The following AFF3 variants were observed in gnomAD, a reference collection of about 807,000 sequenced individuals.
The protein encoded by AFF3 is ALF transcription elongation factor 3.
A neutral mutation model predicts 129.7 loss-of-function variants in AFF3; 32 were observed. The observed-to-expected ratio is 0.25, with a 90% CI of 0.19 to 0.33. AFF3 has a LOEUF of 0.33. AFF3 is among the 10% of genes least tolerant of loss of function. AFF3 has a pLI of 1.00. For synonymous variants in AFF3, 644 were observed against 635.4 expected, an observed-to-expected ratio of 1.01 and a Z score of -0.20; for missense variants, 1,373 against 1,592.0, an observed-to-expected ratio of 0.86 and a Z score of 2.34.
intron 24 of AFF3, among the ~76,000 whole-genome samples, chr2:99,551,926 C>T (rs1267508372): frequency 6.6e-6 from 1 of 152,306 alleles, no homozygotes; most frequent in Middle Eastern, 3.4e-3. Context: ...GTGGCTCTGT[C>T]GTCCCTCACC....
In AFF3 at chr2:99,721,727, G is replaced by T. The variant is rs574397482; in HGVS notation, c.1091+5350C>A. ...CTTAAAGATTTTCTTTTTCTGTTTA[G>T]TTTCCCATAATGTTCCACGGTGTAG... On this transcript the variant is annotated intron_variant, in intron 11 of 24. Coordinates refer to ENST00000672756, the MANE Select transcript of AFF3 (RefSeq NM_001386135.1). Among the ~76,000 whole-genome samples the T allele has an allele frequency of 1.4e-3, 217 of 152,228 alleles. 1 individual carries two copies. Among genetic ancestry groups the T allele is most frequent in the African/African-American group, 5.0e-3 (206 of 41,546 alleles).
intron 11 of AFF3, among the ~76,000 whole-genome samples, chr2:99,680,964 C>T (rs540426852): frequency 6.6e-6 from 1 of 152,338 alleles, no homozygotes; most frequent in South Asian, 2.1e-4. Flanking sequence ...TGCACATTGG[C>T]ATCACTTGGG....
At chr2:99,655,213 TACACACACACACACACACACACACAC>T (rs59646108) in intron 12 of AFF3, among the ~76,000 whole-genome samples, 23 of 130,268 alleles carry the variant, frequency 1.8e-4, no homozygotes, top group Non-Finnish European at 3.1e-4. Context: ...CATGAAAAGC[TACACACACACACACACACACACACAC>T]ACACACACAC....
chr2:99,683,282 G>A (rs770827534), intron 11 of AFF3, among the ~76,000 whole-genome samples: 12 of 152,090 alleles, frequency 7.9e-5, no homozygotes, highest in Non-Finnish European at 1.6e-4. Flanking sequence ...ATGGAAAAAC[G>A]AGAGTGTTTA....
chr2:99,775,572 G>A lies in AFF3; in HGVS notation c.922-23271C>T, dbSNP rs118171937. On this transcript the variant is annotated intron_variant, in intron 8 of 24. Transcript: ENST00000672756. ...GCCTGTCAGAGGGCAGGAGGAGGTA[G>A]GAGGAGGGAAAAATCAGGGTGATGG... Among the ~76,000 whole-genome samples the A allele has an allele frequency of 3.8e-3, 581 of 152,216 alleles. 18 individuals carry two copies. The East Asian group carries it at 0.087, about 23-fold the overall frequency.
chr2:100,034,507 G>C (rs779385495), intron 4 of AFF3, among the ~76,000 whole-genome samples: 6 of 151,310 alleles, frequency 4.0e-5, no homozygotes, highest in African/African-American at 1.5e-4. Flanking sequence ...CCAACACAAT[G>C]GAAGTCCATA....
intron 4 of AFF3, among the ~76,000 whole-genome samples, chr2:100,085,617 T>G (rs1689358695): frequency 6.7e-6 from 1 of 149,282 alleles, no homozygotes; most frequent in Non-Finnish European, 1.5e-5. Context: ...GGGAAGCAGC[T>G]AAATTTGATA....
chr2:99,775,240 A>T (rs1435521785), intron 8 of AFF3, among the ~76,000 whole-genome samples: 1 of 152,216 alleles, frequency 6.6e-6, no homozygotes, highest in Non-Finnish European at 1.5e-5. Flanking sequence ...ACTGGGTATT[A>T]CCCAAAGGAA....
At chr2:99,941,801 A>G (rs1289097119) in intron 7 of AFF3, among the ~76,000 whole-genome samples, 1 of 152,246 alleles carries the variant, frequency 6.6e-6, no homozygotes, top group African/African-American at 2.4e-5. Flanking sequence ...GAAGTCACAC[A>G]CTAAGGATGA....
chr2:100,015,326 T>C (rs1682921513), intron 4 of AFF3, among the ~76,000 whole-genome samples: 1 of 152,138 alleles, frequency 6.6e-6, no homozygotes, highest in Non-Finnish European at 1.5e-5. Flanking sequence ...CTAAGCAGCC[T>C]GGCCACAGAG....
chr2:99,773,561 G>A (rs1378143620), intron 8 of AFF3, among the ~76,000 whole-genome samples: 2 of 151,954 alleles, frequency 1.3e-5, no homozygotes, highest in East Asian at 3.9e-4. Context: ...TGGTGTGATG[G>A]GGGTGGGGAA....
chr2:99,926,716 C>T (rs565540817), intron 7 of AFF3, among the ~76,000 whole-genome samples: 1 of 151,664 alleles, frequency 6.6e-6, no homozygotes, highest in Non-Finnish European at 1.5e-5. Context: ...CTGGGGGTTA[C>T]AGAGGATTAA....
Position 99,998,771 on chromosome 2 carries a change from G to A in AFF3, c.873+7861C>T, listed in dbSNP as rs368390889. On this transcript the variant is annotated intron_variant, in intron 7 of 24. Coordinates refer to ENST00000672756, the MANE Select transcript of AFF3 (RefSeq NM_001386135.1). ...GCAGCATTCCCATGAATAACTGAAC[G>A]AGGAATCGTGACAGAAACAGGATTG... Among the ~76,000 whole-genome samples, 10 of 152,058 alleles carry A rather than the reference G, an allele frequency of 6.6e-5. 1 individual carries two copies. Among genetic ancestry groups the A allele is most frequent in the East Asian group, 3.9e-4 (2 of 5,194 alleles).
At chr2:100,120,388 T>C (rs1019795175) in intron 2 of AFF3, among the ~76,000 whole-genome samples, 1 of 152,098 alleles carries the variant, frequency 6.6e-6, no homozygotes, top group African/African-American at 2.4e-5. Context: ...AGAAAAAAAA[T>C]TGGTAAGTTA....
intron 19 of AFF3, among the ~76,000 whole-genome samples, chr2:99,568,373 A>G (rs1676167358): frequency 6.6e-6 from 1 of 152,220 alleles, no homozygotes; most frequent in South Asian, 2.1e-4. Flanking sequence ...ACATCAAATC[A>G]TGGTGACTTT....
chr2:100,114,842 A>T (rs1691670629), intron 2 of AFF3, among the ~76,000 whole-genome samples: 1 of 152,196 alleles, frequency 6.6e-6, no homozygotes, highest in Admixed American at 6.5e-5. Flanking sequence ...TTCATTCCAA[A>T]ATGAAAAGCT....
chr2:99,973,878 CG>C (rs1338457106), intron 7 of AFF3, among the ~76,000 whole-genome samples: 1 of 152,016 alleles, frequency 6.6e-6, no homozygotes, highest in Non-Finnish European at 1.5e-5. Context: ...GGAACGCAGG[CG>C]TTAATGAGCC....
intron 10 of AFF3, among the ~76,000 whole-genome samples, chr2:99,738,511 C>T (rs1343985220): frequency 6.6e-6 from 1 of 152,074 alleles, no homozygotes; most frequent in Non-Finnish European, 1.5e-5. Flanking sequence ...CTAAGGACTG[C>T]AATTATACTT....
chr2:99,965,118 C>G (rs1430745204), intron 7 of AFF3, among the ~76,000 whole-genome samples: 1 of 151,916 alleles, frequency 6.6e-6, no homozygotes, highest in African/African-American at 2.4e-5. Flanking sequence ...ATAAACCACG[C>G]GAAATGAACA....
Sources: gnomAD v4.1 joint callset for allele counts (sites outside exome capture counted in the v4.1 genomes callset) on GRCh38, gnomAD v4.1.1 for gene constraint, MANE v1.5 for transcripts, NCBI Gene and HGNC (gene_info 2026-07-23, HGNC 2026-07-21) for gene names.